RAB3C: variants seen among roughly 807,000 people sequenced by gnomAD.
RAB3C encodes the protein RAB3C, member RAS oncogene family, also known as ras-related protein Rab-3C.
RAB3C carries 17 observed loss-of-function variants against 26.4 expected under a neutral mutation model. The observed-to-expected ratio is 0.64, with a 90% CI of 0.44 to 0.97. The LOEUF (loss-of-function observed/expected upper bound fraction) is 0.97. Ranked by LOEUF, RAB3C falls within the 50% of genes least tolerant of loss-of-function variation. The pLI is 0.00. For missense variants in RAB3C, 242 were observed against 281.9 expected (o/e 0.86, Z 1.01); for synonymous variants, 91 against 95.9 (o/e 0.95, Z 0.30).
intron 2 of RAB3C, among the ~76,000 whole-genome samples, chr5:58,693,336 G>GTA (rs61291213): frequency 0.054 from 6,047 of 111,628 alleles, 200 homozygotes; most frequent in Non-Finnish European, 0.07. Context: ...ATATATATGT[G>GTA]TATATATATA....
intron 3 of RAB3C, among the ~76,000 whole-genome samples, chr5:58,745,738 C>T (rs1038750044): frequency 1.3e-5 from 2 of 152,192 alleles, no homozygotes; most frequent in Non-Finnish European, 2.9e-5. Context: ...TCAGCACTGT[C>T]CCTTATATAT....
At chr5:58,731,764 T>C (rs1196341547) in intron 3 of RAB3C, among the ~76,000 whole-genome samples, 2 of 152,206 alleles carry the variant, frequency 1.3e-5, no homozygotes, top group African/African-American at 2.4e-5. Flanking sequence ...TTTTCTCTTC[T>C]ATTGGTCCAA....
intron 3 of RAB3C, among the ~76,000 whole-genome samples, chr5:58,822,252 A>G (rs1235951267): frequency 1.3e-5 from 2 of 152,226 alleles, no homozygotes; most frequent in East Asian, 1.9e-4. Flanking sequence ...CTTGAGAGCC[A>G]TACTGCCAGA....
chr5:58,841,151 A>C (rs1743867073), intron 4 of RAB3C, among the ~76,000 whole-genome samples: 3 of 152,156 alleles, frequency 2.0e-5, no homozygotes, highest in Admixed American at 6.5e-5. Flanking sequence ...TCAGGTCCTG[A>C]GCACGGTCAC....
chr5:58,638,280 T>G lies in RAB3C; in HGVS notation c.252+20410T>G, dbSNP rs191426993. On this transcript the variant is annotated intron_variant, in intron 2 of 4. Transcript: ENST00000282878. ...TTTTGAGGTGTCTTTTCATTTGCAT[T>G]TTTTTCTTTATAAGTTACTAACTTT... Among the ~76,000 whole-genome samples, 229 of 152,236 alleles carry G rather than the reference T, an allele frequency of 1.5e-3. 2 individuals are homozygous for G. The highest frequency in any genetic ancestry group is 5.1e-3 in the African/African-American group (212 of 41,576).
At chr5:58,723,244 A>G (rs925503755) in intron 2 of RAB3C, among the ~76,000 whole-genome samples, 3 of 151,750 alleles carry the variant, frequency 2.0e-5, no homozygotes, top group African/African-American at 4.8e-5. Context: ...TATGTTCTGA[A>G]AGATCTTCCT....
chr5:58,625,805 C>T (rs534476105), intron 2 of RAB3C, among the ~76,000 whole-genome samples: 4 of 149,654 alleles, frequency 2.7e-5, no homozygotes, highest in South Asian at 2.1e-4. Context: ...TGCAGTGAGC[C>T]GAGATCACGC....
intron 1 of RAB3C, among the ~76,000 whole-genome samples, chr5:58,617,110 A>G (rs144416080): frequency 4.6e-4 from 70 of 152,300 alleles, no homozygotes; most frequent in Admixed American, 1.9e-3. Flanking sequence ...TGCCATCATA[A>G]TTATTTTTAA....
At chr5:58,762,867 A>G (rs752160247) in intron 3 of RAB3C, among the ~76,000 whole-genome samples, 2 of 152,190 alleles carry the variant, frequency 1.3e-5, no homozygotes, top group Non-Finnish European at 2.9e-5. Flanking sequence ...ATTTTCGGAA[A>G]AAGGTAAAAT....
At chr5:58,808,043 G>A (rs1271918777) in intron 3 of RAB3C, among the ~76,000 whole-genome samples, 2 of 151,958 alleles carry the variant, frequency 1.3e-5, no homozygotes, top group African/African-American at 4.8e-5. Context: ...GCCTAACACA[G>A]TGAAACCCCA....
At chr5:58,847,707 A>G (rs899259337) in intron 4 of RAB3C, among the ~76,000 whole-genome samples, 4 of 152,168 alleles carry the variant, frequency 2.6e-5, no homozygotes, top group Non-Finnish European at 5.9e-5. Flanking sequence ...TTGATTTTCT[A>G]AACATCCCTG....
intron 2 of RAB3C, among the ~76,000 whole-genome samples, chr5:58,708,145 C>G (rs564907154): frequency 7.9e-5 from 12 of 152,008 alleles, no homozygotes; most frequent in Admixed American, 6.6e-5. Flanking sequence ...TGCACACCCC[C>G]ACACCTGGCT....
intron 2 of RAB3C, among the ~76,000 whole-genome samples, chr5:58,656,972 G>A (rs191848755): frequency 5.1e-4 from 77 of 152,306 alleles, no homozygotes; most frequent in African/African-American, 1.8e-3. Context: ...TTGCAAAATC[G>A]TGGAACCAAC....
At chr5:58,700,970 TTTTATTTATTTA>T (rs150630099) in intron 2 of RAB3C, among the ~76,000 whole-genome samples, 53,006 of 148,152 alleles carry the variant, frequency 0.36, 9,905 homozygotes, top group Non-Finnish European at 0.41. Context: ...CTTAAAAATC[TTTTATTTATTTA>T]TTTATTTATT....
chr5:58,712,446 C>T (rs1201024320), intron 2 of RAB3C, among the ~76,000 whole-genome samples: 1 of 152,074 alleles, frequency 6.6e-6, no homozygotes, highest in Non-Finnish European at 1.5e-5. Context: ...TTCACCTAGG[C>T]ACTAAATTGT....
intron 3 of RAB3C, among the ~76,000 whole-genome samples, chr5:58,791,860 GA>G (rs1422572157): frequency 6.6e-6 from 1 of 152,192 alleles, no homozygotes; most frequent in Admixed American, 6.5e-5. Context: ...ATGATACTTA[GA>G]AGCAGTTTGA....
chr5:58,738,436 A>G (rs1238039262), intron 3 of RAB3C, among the ~76,000 whole-genome samples: 4 of 152,144 alleles, frequency 2.6e-5, no homozygotes, highest in Non-Finnish European at 4.4e-5. Flanking sequence ...CATGCGTGTA[A>G]CTCAGGAAAT....
At chr5:58,686,430 C>T (rs551863453) in intron 2 of RAB3C, among the ~76,000 whole-genome samples, 2 of 152,106 alleles carry the variant, frequency 1.3e-5, no homozygotes, top group South Asian at 4.1e-4. Flanking sequence ...AATAGACTTG[C>T]TAAAGTTTTA....
intron 4 of RAB3C, among the ~76,000 whole-genome samples, chr5:58,849,576 T>C (rs1744072731): frequency 6.6e-6 from 1 of 152,164 alleles, no homozygotes; most frequent in Non-Finnish European, 1.5e-5. Flanking sequence ...ATATAAGCAT[T>C]GTCCAGAGAG....
Sources: gnomAD v4.1 joint callset for allele counts (sites outside exome capture counted in the v4.1 genomes callset) on GRCh38, gnomAD v4.1.1 for gene constraint, MANE v1.5 for transcripts, NCBI Gene and HGNC (gene_info 2026-07-23, HGNC 2026-07-21) for gene names.